Variants in QTMAN observed in about 807,000 individuals in gnomAD.
QTMAN encodes the protein queuosine-tRNA mannosyltransferase, also known as tRNA-queuosine alpha-mannosyltransferase.
the QTMAN span, among the ~76,000 whole-genome samples, chr2:144,149,277 A>G: frequency 4.3e-4 from 65 of 152,090 alleles, no homozygotes; most frequent in African/African-American, 1.5e-3. Context: ...ACTAGGAACA[A>G]GATAATTCCT....
chr2:144,130,643 C>T, the QTMAN span, among the ~76,000 whole-genome samples: 2 of 151,778 alleles, frequency 1.3e-5, no homozygotes, highest in African/African-American at 2.4e-5. Context: ...AAGAATTTTG[C>T]CAAGTATCTT....
the QTMAN span, among the ~76,000 whole-genome samples, chr2:144,269,162 A>C: frequency 1.3e-5 from 2 of 152,230 alleles, no homozygotes; most frequent in Non-Finnish European, 2.9e-5. Context: ...GATTCCATTC[A>C]TAATATACGC....
chr2:144,182,824 A>ATAT, the QTMAN span, among the ~76,000 whole-genome samples: 2 of 69,764 alleles, frequency 2.9e-5, no homozygotes, highest in African/African-American at 1.2e-4. Flanking sequence ...TATATTATAT[A>ATAT]TATAATATAT....
the QTMAN span, among the ~76,000 whole-genome samples, chr2:144,074,858 G>T: frequency 6.6e-6 from 1 of 152,122 alleles, no homozygotes; most frequent in East Asian, 1.9e-4. Flanking sequence ...CATAAATGAT[G>T]ATCATTACCT....
At chr2:144,293,910 A>G in the QTMAN span, among the ~76,000 whole-genome samples, 2 of 152,290 alleles carry the variant, frequency 1.3e-5, no homozygotes, top group East Asian at 3.9e-4. Flanking sequence ...CCAATTCTCA[A>G]TGCTTCATCT....
chr2:144,111,266 T>C, the QTMAN span, among the ~76,000 whole-genome samples: 1 of 152,170 alleles, frequency 6.6e-6, no homozygotes, highest in Non-Finnish European at 1.5e-5. Context: ...AGCATGTCCA[T>C]GAGAAGCCCT....
At chr2:144,330,921 T>C in the QTMAN span, among the ~76,000 whole-genome samples, 1 of 152,258 alleles carries the variant, frequency 6.6e-6, no homozygotes, top group African/African-American at 2.4e-5. Context: ...ATTTCTGTGA[T>C]GCATAAGATT....
chr2:144,074,577 T>C, the QTMAN span, among the ~76,000 whole-genome samples: 3 of 152,224 alleles, frequency 2.0e-5, no homozygotes, highest in African/African-American at 4.8e-5. Context: ...AAGCTTCTAA[T>C]TAGAAATATA....
the QTMAN span, among the ~76,000 whole-genome samples, chr2:144,138,752 C>G: frequency 6.6e-6 from 1 of 151,922 alleles, no homozygotes; most frequent in Non-Finnish European, 1.5e-5. Flanking sequence ...CCTCACTCAT[C>G]AGCTGAGAAT....
chr2:144,003,702 T>C, the QTMAN span, among the ~76,000 whole-genome samples: 1 of 152,110 alleles, frequency 6.6e-6, no homozygotes, highest in Non-Finnish European at 1.5e-5. Flanking sequence ...TAAGGGCCTG[T>C]TCTCATGCAC....
the QTMAN span, among the ~76,000 whole-genome samples, chr2:144,038,602 TC>T: frequency 6.6e-6 from 1 of 152,190 alleles, no homozygotes; most frequent in African/African-American, 2.4e-5. Context: ...AGAGAATTGT[TC>T]CTGCTGTCTG....
chr2:144,003,947 A>AT, the QTMAN span, among the ~76,000 whole-genome samples: 17 of 152,064 alleles, frequency 1.1e-4, no homozygotes, highest in African/African-American at 3.6e-4. Context: ...TCATGGGCAT[A>AT]TTTTTTTATG....
chr2:144,233,890 G>T, the QTMAN span, among the ~76,000 whole-genome samples: 1 of 151,828 alleles, frequency 6.6e-6, no homozygotes, highest in Admixed American at 6.6e-5. Context: ...ACTTAAAAAG[G>T]GTCCAAGTCA....
chr2:143,964,869 C>T, the QTMAN span, among the ~76,000 whole-genome samples: 1 of 152,144 alleles, frequency 6.6e-6, no homozygotes, highest in African/African-American at 2.4e-5. Context: ...TGTAACCTTT[C>T]TGGCTGCCCT....
the QTMAN span, among the ~76,000 whole-genome samples, chr2:144,227,302 T>A: frequency 6.6e-6 from 1 of 152,082 alleles, no homozygotes; most frequent in Admixed American, 6.5e-5. Context: ...TTAAAAGCAA[T>A]CACATTTCTT....
At chr2:143,982,501 CT>C in the QTMAN span, among the ~76,000 whole-genome samples, 3 of 151,660 alleles carry the variant, frequency 2.0e-5, no homozygotes, top group East Asian at 5.9e-4. Flanking sequence ...TCCCAAAGTG[CT>C]GGGATTACAG....
At chr2:143,952,917 T>G in the QTMAN span, 1 of 893,822 alleles carries the variant, frequency 1.1e-6, no homozygotes, top group African/African-American at 1.7e-5. Flanking sequence ...GTGGTTTTGT[T>G]TGCCTAAGTT....
At chr2:143,984,891 A>G in the QTMAN span, among the ~76,000 whole-genome samples, 2 of 152,076 alleles carry the variant, frequency 1.3e-5, no homozygotes, top group Non-Finnish European at 2.9e-5. Context: ...AGTCCTCCAC[A>G]TTTACCACTC....
chr2:144,010,904 T>A, the QTMAN span, among the ~76,000 whole-genome samples: 3 of 152,100 alleles, frequency 2.0e-5, no homozygotes, highest in Admixed American at 2.0e-4. Context: ...AAGCTGAATT[T>A]CAAGAAAAAC....
Sources: allele counts gnomAD v4.1 joint callset (sites outside exome capture counted in the v4.1 genomes callset), GRCh38; gene constraint gnomAD v4.1.1; transcripts MANE v1.5; gene names NCBI Gene and HGNC (gene_info 2026-07-23, HGNC 2026-07-21).